Variants in FTCDNL1 observed in about 807,000 individuals in gnomAD.
The protein encoded by FTCDNL1 is formiminotransferase N-terminal subdomain-containing protein.
A neutral mutation model predicts 5.9 loss-of-function variants in FTCDNL1; 11 were observed. That is an observed-to-expected ratio of 1.87 (90% CI 1.18 to 3.10). The LOEUF is 3.10. Among genes scored for constraint, FTCDNL1 ranks in the 30% most tolerant of loss-of-function variants. The pLI is 0.00. For synonymous variants in FTCDNL1, 58 were observed against 24.8 expected (o/e 2.34, Z -3.99); for missense variants, 115 against 65.5 (o/e 1.76, Z -2.61).
At chr2:199,834,604 T>C (rs947643208) in intron 3 of FTCDNL1, among the ~76,000 whole-genome samples, 11 of 152,156 alleles carry the variant, frequency 7.2e-5, no homozygotes, top group Non-Finnish European at 1.3e-4. Flanking sequence ...AATTCTCTGG[T>C]GGGGTAGTCC....
chr2:199,697,042 G>A, the FTCDNL1 span, among the ~76,000 whole-genome samples: 1 of 152,202 alleles, frequency 6.6e-6, no homozygotes, highest in Non-Finnish European at 1.5e-5. Flanking sequence ...GGAGGCCAAG[G>A]CGGGTGGATC....
At chr2:199,762,538 G>C (rs185905028) in intron 3 of FTCDNL1, among the ~76,000 whole-genome samples, 12 of 152,136 alleles carry the variant, frequency 7.9e-5, no homozygotes, top group Non-Finnish European at 1.8e-4. Context: ...GGTCTCTTCT[G>C]TCTTGTTCTC....
At chr2:199,720,966 G>A in the FTCDNL1 span, among the ~76,000 whole-genome samples, 1 of 152,082 alleles carries the variant, frequency 6.6e-6, no homozygotes, top group Admixed American at 6.5e-5. Flanking sequence ...TGATTTTCTA[G>A]AATCCTGATT....
the FTCDNL1 span, among the ~76,000 whole-genome samples, chr2:199,710,943 C>T: frequency 6.6e-6 from 1 of 151,928 alleles, no homozygotes; most frequent in Non-Finnish European, 1.5e-5. Context: ...CTATAGAGTG[C>T]CACAGAGATT....
chr2:199,796,665 GA>G (rs1316677527), intron 3 of FTCDNL1, among the ~76,000 whole-genome samples: 1 of 151,992 alleles, frequency 6.6e-6, no homozygotes, highest in Admixed American at 6.6e-5. Context: ...GATTAATTGT[GA>G]CTGACACAGT....
At chr2:199,675,591 G>A in the FTCDNL1 span, among the ~76,000 whole-genome samples, 2 of 152,258 alleles carry the variant, frequency 1.3e-5, no homozygotes, top group East Asian at 1.9e-4. Context: ...GAGCTCAGCA[G>A]TCCGGAGCTG....
intron 3 of FTCDNL1, among the ~76,000 whole-genome samples, chr2:199,783,018 C>T (rs1367044348): frequency 1.3e-5 from 2 of 152,220 alleles, no homozygotes; most frequent in Non-Finnish European, 2.9e-5. Flanking sequence ...CCCATCTCTA[C>T]AGATTTCTGT....
chr2:199,692,543 T>A, the FTCDNL1 span, among the ~76,000 whole-genome samples: 3 of 152,240 alleles, frequency 2.0e-5, no homozygotes, highest in African/African-American at 7.2e-5. Context: ...TGCGTTGCTG[T>A]TCTCCTTTCC....
At chr2:199,823,104 C>G (rs1310714470) in intron 3 of FTCDNL1, among the ~76,000 whole-genome samples, 3 of 152,220 alleles carry the variant, frequency 2.0e-5, no homozygotes, top group African/African-American at 7.2e-5. Context: ...CCAGCTGCAG[C>G]CTCCCAAAGT....
In FTCDNL1 at chr2:199,849,033, TA is replaced by T. The variant is rs942694689; in HGVS notation, c.-7-65del. 32 of 660,276 alleles carry T rather than the reference TA, an allele frequency of 4.8e-5. No individual in the cohort carries two copies. In the Middle Eastern group the frequency reaches 1.2e-3, roughly 25 times the overall value. 40.9% of individuals were successfully genotyped at this position (660,276 alleles called of 1,614,324 possible). A position where few individuals can be genotyped will look rare whatever the true frequency, so the allele number is the denominator to read the frequency against. Reference sequence around the variant, plus strand: ...GATTCATATTTTCATGTTTTAACTATAAAAAAATCATAACTTTTTGGAAACG... The same window carrying T: ...GATTCATATTTTCATGTTTTAACTATAAAAAATCATAACTTTTTGGAAACG... On this transcript the variant is annotated intron_variant, in intron 1 of 4. Transcript: ENST00000420128.
At chr2:199,717,150 A>G in the FTCDNL1 span, among the ~76,000 whole-genome samples, 3 of 152,136 alleles carry the variant, frequency 2.0e-5, no homozygotes, top group African/African-American at 7.2e-5. Flanking sequence ...CCTTAATACA[A>G]TCTCATTCAT....
chr2:199,724,706 T>A, the FTCDNL1 span, among the ~76,000 whole-genome samples: 1 of 152,222 alleles, frequency 6.6e-6, no homozygotes, highest in Non-Finnish European at 1.5e-5. Context: ...TGTGAGTTTT[T>A]AAATCTTGAG....
At chr2:199,719,630 G>T in the FTCDNL1 span, among the ~76,000 whole-genome samples, 16 of 142,370 alleles carry the variant, frequency 1.1e-4, 1 homozygote, top group South Asian at 3.4e-3. Context: ...TTGTTTTTTT[G>T]TTTTGTTTGT....
chr2:199,834,478 T>C (rs1290594072), intron 3 of FTCDNL1, among the ~76,000 whole-genome samples: 1 of 152,116 alleles, frequency 6.6e-6, no homozygotes, highest in Non-Finnish European at 1.5e-5. Flanking sequence ...CTCTTCCTTC[T>C]TAGGAGCTGG....
intron 3 of FTCDNL1, among the ~76,000 whole-genome samples, chr2:199,786,391 T>C (rs1375152916): frequency 6.6e-6 from 1 of 152,124 alleles, no homozygotes; most frequent in Non-Finnish European, 1.5e-5. Flanking sequence ...GGTTGCCACA[T>C]CATTTGACTG....
Position 199,812,681 on chromosome 2 carries a change from T to G in FTCDNL1, c.*24A>C, listed in dbSNP as rs1383742685. The G allele has an allele frequency of 1.1e-5, 8 of 698,052 alleles. No individual in the cohort carries two copies. The highest frequency in any genetic ancestry group is 1.6e-5 in the Non-Finnish European group (6 of 383,296). The allele number at this position is 698,052 out of a possible 1,614,324, so 43.2% of individuals were successfully genotyped here. On this transcript the variant is annotated 3_prime_UTR_variant, in exon 5 of 5. Coordinates refer to ENST00000420128, the MANE Select transcript of FTCDNL1 (RefSeq NM_001363886.2). ...GATCCCCTCACTGCAAGGCTGAAAT[T>G]CCAATTTTCTTCCAACACAACTGTC...
intron 3 of FTCDNL1, among the ~76,000 whole-genome samples, chr2:199,781,741 A>ATGTTTTT (rs1489873051): frequency 6.6e-6 from 1 of 151,344 alleles, no homozygotes; most frequent in African/African-American, 2.4e-5. Context: ...GTCACATACC[A>ATGTTTTT]TGTTTGTGAG....
intron 1 of FTCDNL1, among the ~76,000 whole-genome samples, chr2:199,849,675 G>T (rs1241958489): frequency 6.6e-6 from 1 of 152,122 alleles, no homozygotes; most frequent in Non-Finnish European, 1.5e-5. Flanking sequence ...TTTGGAGGTT[G>T]CTTTGATACT....
At chr2:199,670,613 C>T in the FTCDNL1 span, among the ~76,000 whole-genome samples, 2 of 152,024 alleles carry the variant, frequency 1.3e-5, no homozygotes, top group Non-Finnish European at 2.9e-5. Context: ...TTAGCTTTTC[C>T]GCAAACCACT....
Sources: gnomAD v4.1 joint callset for allele counts (sites outside exome capture counted in the v4.1 genomes callset) on GRCh38, gnomAD v4.1.1 for gene constraint, MANE v1.5 for transcripts, NCBI Gene and HGNC (gene_info 2026-07-23, HGNC 2026-07-21) for gene names.